Variants in NAA35 observed in about 807,000 individuals in gnomAD.
NAA35 encodes the protein MAK10 homolog, amino-acid N-acetyltransferase subunit.
Under a neutral mutation model 101.7 loss-of-function variants are expected in NAA35, and 18 were observed. The observed-to-expected ratio is 0.18, with a 90% CI of 0.12 to 0.26. The LOEUF is 0.26. Ranked by LOEUF, NAA35 falls within the 10% of genes least tolerant of loss-of-function variation. The pLI is 1.00. For synonymous variants in NAA35, 267 were observed against 273.1 expected (o/e 0.98, Z 0.22); for missense variants, 601 against 886.8 (o/e 0.68, Z 4.09).
At chr9:85,975,395 C>T (rs758557291) in intron 8 of NAA35, among the ~76,000 whole-genome samples, 42 of 152,100 alleles carry the variant, frequency 2.8e-4, no homozygotes, top group African/African-American at 8.7e-4. Flanking sequence ...ACAGCCATCC[C>T]TCAGTATTCT....
intron 2 of NAA35, among the ~76,000 whole-genome samples, chr9:85,944,943 G>A (rs1479061624): frequency 6.6e-6 from 1 of 152,152 alleles, no homozygotes; most frequent in African/African-American, 2.4e-5. Context: ...AATGAAATAC[G>A]ACTATAAAGG....
At chr9:85,978,001 A>T (rs895187883) in intron 10 of NAA35, among the ~76,000 whole-genome samples, 2 of 148,426 alleles carry the variant, frequency 1.3e-5, no homozygotes, top group Non-Finnish European at 1.5e-5. Flanking sequence ...TTTCTAGTTG[A>T]TTGCTTCTTT....
In NAA35 at chr9:86,022,980, T is replaced by C. The variant is rs1369793769; in HGVS notation, c.*1020T>C. ...TAGCCTAAGACTAGTGACAGTTTTA[T>C]ATTTGGTCTGTGGTTAAAAGGGTTC... On this transcript the variant is annotated 3_prime_UTR_variant, in exon 23 of 23. Coordinates refer to ENST00000361671, the MANE Select transcript of NAA35 (RefSeq NM_024635.4). Among the ~76,000 whole-genome samples the C allele has an allele frequency of 6.6e-6, 1 of 152,238 alleles. No individual in the cohort carries two copies. The highest frequency in any genetic ancestry group is 1.5e-5 in the Non-Finnish European group (1 of 68,048).
chr9:85,967,535 C>T (rs183718041), intron 6 of NAA35, among the ~76,000 whole-genome samples: 16 of 152,184 alleles, frequency 1.1e-4, no homozygotes, highest in African/African-American at 3.1e-4. Context: ...TGGCCGGGCG[C>T]GGTGGCTCAC....
Position 85,976,717 on chromosome 9 carries a change from T to A in NAA35, c.660T>A (p.Asp220Glu). The A allele has an allele frequency of 6.3e-7, 1 of 1,596,936 alleles. No homozygotes were observed. The highest frequency in any genetic ancestry group is 8.5e-7 in the Non-Finnish European group (1 of 1,173,388). The change falls in exon 9 of 23, where the codon GAT becomes GAA. Residue 220 changes from aspartate to glutamate, a missense_variant. By Grantham distance (45) the Asp-to-Glu change is conservative. Coordinates refer to ENST00000361671, the MANE Select transcript of NAA35 (RefSeq NM_024635.4). ...GAAGTCGACAAGGAGAAGAAAGAGA[T>A]CCAGAAGTTGAACTAGAAGTAATTG... ...STRSRQGEER[D>E]PEVELEHQQC...
Position 86,022,457 on chromosome 9 carries a change from A to G in NAA35, c.*497A>G, listed in dbSNP as rs1299480233. ...CTTGTATGAGATTTTGGTAAAATAC[A>G]TTTAGAAGGGATTTTTGGGAGGGCC... On this transcript the variant is annotated 3_prime_UTR_variant, in exon 23 of 23. Coordinates refer to ENST00000361671, the MANE Select transcript of NAA35 (RefSeq NM_024635.4). 6.6e-6 allele frequency among the ~76,000 whole-genome samples: 1 copy of G among 152,206 alleles called. No individual in the cohort carries two copies. The highest frequency in any genetic ancestry group is 1.5e-5 in the Non-Finnish European group (1 of 68,032).
At chr9:85,995,735 T>C (rs1311211445) in intron 11 of NAA35, among the ~76,000 whole-genome samples, 1 of 152,166 alleles carries the variant, frequency 6.6e-6, no homozygotes, top group Non-Finnish European at 1.5e-5. Context: ...TACTCCCTCA[T>C]TTGAGATTTC....
intron 12 of NAA35, among the ~76,000 whole-genome samples, chr9:86,002,271 T>C (rs1218567133): frequency 6.6e-6 from 1 of 152,150 alleles, no homozygotes; most frequent in Non-Finnish European, 1.5e-5. Context: ...ACTCGCCCTT[T>C]CTTTGTAGCT....
chr9:85,985,734 A>C (rs1035012835), intron 11 of NAA35, among the ~76,000 whole-genome samples: 1 of 152,222 alleles, frequency 6.6e-6, no homozygotes, highest in Non-Finnish European at 1.5e-5. Flanking sequence ...TAGGTGAGTT[A>C]TGTGGTATGT....
intron 11 of NAA35, among the ~76,000 whole-genome samples, chr9:85,993,140 TTGTC>T (rs960863256): frequency 2.6e-5 from 4 of 152,118 alleles, no homozygotes; most frequent in African/African-American, 9.7e-5. Flanking sequence ...TGAGTACAAA[TTGTC>T]TGATTGTTTT....
rs986202086 is a variant in NAA35, at chr9:86,023,423, C to CA, written c.*1466dup. Among the ~76,000 whole-genome samples, 1 of 151,868 alleles carries CA rather than the reference C, an allele frequency of 6.6e-6. No homozygotes were observed. Among genetic ancestry groups the CA allele is most frequent in the Non-Finnish European group, 1.5e-5 (1 of 67,948 alleles). ...GGTAGGAAATAGGCAAGACAAGAAA[C>CA]AAAGAATCAAAAGAAAAAGCAAAGA... On this transcript the variant is annotated 3_prime_UTR_variant, in exon 23 of 23. Coordinates refer to ENST00000361671, the MANE Select transcript of NAA35 (RefSeq NM_024635.4).
chr9:85,971,528 C>T (rs1474374347), intron 6 of NAA35, among the ~76,000 whole-genome samples: 2 of 152,184 alleles, frequency 1.3e-5, no homozygotes, highest in Non-Finnish European at 2.9e-5. Flanking sequence ...TATCAACTAA[C>T]TATACAATGA....
chr9:86,017,417 A>T (rs1219952262), intron 18 of NAA35, 81 bp from the exon 19 acceptor site: 1 of 1,307,204 alleles, frequency 7.6e-7, no homozygotes, highest in East Asian at 2.5e-5. Context: ...AAGATTTTTT[A>T]AAATTAGATT....
chr9:85,970,883 A>G (rs1003447059), intron 6 of NAA35, among the ~76,000 whole-genome samples: 11 of 152,214 alleles, frequency 7.2e-5, no homozygotes, highest in African/African-American at 2.7e-4. Context: ...AAGGGGCGTC[A>G]TAGTCTGCAA....
chr9:85,954,221 C>T (rs991307564), intron 2 of NAA35, among the ~76,000 whole-genome samples: 4 of 152,136 alleles, frequency 2.6e-5, no homozygotes, highest in Admixed American at 2.6e-4. Flanking sequence ...GCTAGGACTA[C>T]AGGTGTGCAC....
intron 6 of NAA35, among the ~76,000 whole-genome samples, chr9:85,962,773 C>G (rs553464452): frequency 1.2e-4 from 18 of 152,114 alleles, no homozygotes; most frequent in African/African-American, 3.9e-4. Context: ...TGTGGGGATT[C>G]CCAGAGAAAA....
At chr9:85,955,572 C>T (rs964498873) in intron 2 of NAA35, among the ~76,000 whole-genome samples, 2 of 151,662 alleles carry the variant, frequency 1.3e-5, no homozygotes, top group Non-Finnish European at 1.5e-5. Context: ...ACTGTGTTAG[C>T]CAGGATGGTC....
chr9:86,017,391 T>G, intron 18 of NAA35, 107 bp from the exon 19 acceptor site: 2 of 906,432 alleles, frequency 2.2e-6, no homozygotes, highest in Non-Finnish European at 3.4e-6. Flanking sequence ...AAGTTTTAAT[T>G]TAGTATACAA....
rs1219198238 is a variant in NAA35, at chr9:86,025,219, T to C, written c.*3259T>C. Among the ~76,000 whole-genome samples, 1 of 152,018 alleles carries C rather than the reference T, an allele frequency of 6.6e-6. No homozygotes were observed. The highest frequency in any genetic ancestry group is 1.9e-4 in the East Asian group (1 of 5,172). On this transcript the variant is annotated 3_prime_UTR_variant, in exon 23 of 23. Coordinates refer to ENST00000361671, the MANE Select transcript of NAA35 (RefSeq NM_024635.4). ...AGACTTATCAGGAAAATAAGCAGAA[T>C]GAGGGCCATATGCCGCTCAGAGGCC...
Sources: allele counts gnomAD v4.1 joint callset (sites outside exome capture counted in the v4.1 genomes callset), GRCh38; gene constraint gnomAD v4.1.1; transcripts MANE v1.5; gene names NCBI Gene and HGNC (gene_info 2026-07-23, HGNC 2026-07-21).